AGK: variants seen among roughly 807,000 people sequenced by gnomAD.
AGK encodes acylglycerol kinase, also known as acylglycerol kinase, mitochondrial.
Under a neutral mutation model 66.4 loss-of-function variants are expected in AGK, and 52 were observed. The ratio of observed to expected loss-of-function variants is 0.78; its 90% CI spans 0.63 to 0.99. The LOEUF is 0.99. Ranked by LOEUF, AGK falls within the 50% of genes least tolerant of loss-of-function variation. AGK has a pLI of 0.00. For missense variants in AGK, 451 were observed against 506.6 expected (o/e 0.89, Z 1.05); for synonymous variants, 182 against 181.1 (o/e 1.00, Z -0.04).
chr7:141,584,758 C>T (rs1321338606), intron 2 of AGK, among the ~76,000 whole-genome samples: 1 of 152,220 alleles, frequency 6.6e-6, no homozygotes, highest in Non-Finnish European at 1.5e-5. Flanking sequence ...TTTTGCTAAA[C>T]TTTTCACCAT....
chr7:141,553,207 A>G (rs1204794688), intron 1 of AGK, among the ~76,000 whole-genome samples: 1 of 152,102 alleles, frequency 6.6e-6, no homozygotes, highest in East Asian at 1.9e-4. Flanking sequence ...CTAGTCTCAT[A>G]AGGACACTAA....
At chr7:141,625,638 G>A (rs977583336) in intron 9 of AGK, among the ~76,000 whole-genome samples, 1 of 152,120 alleles carries the variant, frequency 6.6e-6, no homozygotes, top group African/African-American at 2.4e-5. Context: ...AATATTAAAA[G>A]AGTTAATAAA....
intron 9 of AGK, among the ~76,000 whole-genome samples, chr7:141,632,358 T>G (rs1797078165): frequency 6.6e-6 from 1 of 152,198 alleles, no homozygotes; most frequent in African/African-American, 2.4e-5. Context: ...TGTTGGTACA[T>G]AAAGCAATGA....
Position 141,598,714 on chromosome 7 carries a change from C to T in AGK, c.221+2073C>T, listed in dbSNP as rs1587110932. Among the ~76,000 whole-genome samples the T allele has an allele frequency of 1.3e-5, 2 of 152,230 alleles. No individual in the cohort carries two copies. Among genetic ancestry groups the T allele is most frequent in the African/African-American group, 4.8e-5 (2 of 41,532 alleles). Reference sequence around the variant, plus strand: ...TCAGAACAGTCTTCACTTCGCTATCCCATCCTTCCCAGAAGCTCTTGTACC... The same window carrying T: ...TCAGAACAGTCTTCACTTCGCTATCTCATCCTTCCCAGAAGCTCTTGTACC... On this transcript the variant is annotated intron_variant, in intron 4 of 15. Coordinates refer to ENST00000649286, the MANE Select transcript of AGK (RefSeq NM_018238.4). The surrounding 1 kb of genome is among the most constrained non-coding windows in gnomAD (Gnocchi z 4.2).
chr7:141,609,661 T>C (rs769670503), intron 5 of AGK, among the ~76,000 whole-genome samples: 4 of 152,212 alleles, frequency 2.6e-5, no homozygotes, highest in East Asian at 1.9e-4. Flanking sequence ...TCATTGGCCA[T>C]TGGTGAGTTA....
intron 3 of AGK, 80 bp downstream of exon 3, chr7:141,593,265 GCA>G: frequency 7.8e-7 from 1 of 1,281,702 alleles, no homozygotes. Context: ...CAGGGGACTT[GCA>G]CAGTGTCTTG....
intron 2 of AGK, among the ~76,000 whole-genome samples, chr7:141,585,488 A>T (rs914459992): frequency 6.6e-5 from 10 of 152,234 alleles, no homozygotes; most frequent in African/African-American, 2.4e-4. Flanking sequence ...GTTGTTATAA[A>T]CGTCTAAACT....
At chr7:141,641,941 G>A (rs1211762319) in intron 13 of AGK, 33 bp downstream of exon 13, 1 of 1,527,702 alleles carries the variant, frequency 6.5e-7, no homozygotes, top group Non-Finnish European at 8.9e-7. Context: ...AAAGCATTTG[G>A]TACCTAAGAA....
intron 6 of AGK, among the ~76,000 whole-genome samples, chr7:141,612,891 A>G (rs961135510): frequency 2.0e-5 from 3 of 152,096 alleles, no homozygotes; most frequent in African/African-American, 7.2e-5. Context: ...CCTGTATACT[A>G]TATTTCATAT....
chr7:141,612,181 A>T (rs762024376), intron 6 of AGK, among the ~76,000 whole-genome samples: 5 of 152,262 alleles, frequency 3.3e-5, no homozygotes, highest in Admixed American at 6.5e-5. Flanking sequence ...AAAGACATGG[A>T]GGAAACCTAA....
At chr7:141,616,832 C>G (rs1443055933) in intron 8 of AGK, among the ~76,000 whole-genome samples, 1 of 150,738 alleles carries the variant, frequency 6.6e-6, no homozygotes, top group East Asian at 2.0e-4. Flanking sequence ...GAACTCGGCT[C>G]ACTGCAAGCT....
chr7:141,636,922 G>A (rs368043533), intron 10 of AGK, 38 bp from the exon 11 acceptor site: 32 of 1,545,342 alleles, frequency 2.1e-5, no homozygotes, highest in African/African-American at 2.7e-5. Flanking sequence ...TAGTTCTTTT[G>A]ATATTCTTAT....
intron 4 of AGK, 91 bp from the exon 5 acceptor site, chr7:141,601,114 C>A (rs1796331236): frequency 1.1e-6 from 1 of 937,252 alleles, no homozygotes; most frequent in Non-Finnish European, 1.6e-6. Flanking sequence ...CATAGTCTTT[C>A]TTATTCTGCC....
intron 2 of AGK, among the ~76,000 whole-genome samples, chr7:141,575,789 A>G (rs1361457957): frequency 6.6e-6 from 1 of 150,862 alleles, no homozygotes; most frequent in Non-Finnish European, 1.5e-5. Flanking sequence ...TTTGGAAGCC[A>G]TGGTTAAACA....
intron 10 of AGK, among the ~76,000 whole-genome samples, chr7:141,634,512 T>C (rs1797128999): frequency 6.6e-6 from 1 of 152,164 alleles, no homozygotes; most frequent in Non-Finnish European, 1.5e-5. Context: ...GAGGAGCTGA[T>C]TAGAGGGCCA....
intron 3 of AGK, among the ~76,000 whole-genome samples, chr7:141,596,164 T>G (rs1796221718): frequency 6.6e-6 from 1 of 152,204 alleles, no homozygotes; most frequent in Admixed American, 6.6e-5. Flanking sequence ...ACAAAGATTC[T>G]TCATGAACAA....
intron 2 of AGK, among the ~76,000 whole-genome samples, chr7:141,571,206 C>G (rs1322354431): frequency 1.3e-5 from 2 of 152,182 alleles, no homozygotes; most frequent in Non-Finnish European, 2.9e-5. Context: ...AGGCAAGTGC[C>G]TCATCACTGT....
chr7:141,574,389 C>T (rs548561491), intron 2 of AGK, among the ~76,000 whole-genome samples: 1 of 152,276 alleles, frequency 6.6e-6, no homozygotes, highest in East Asian at 1.9e-4. Context: ...GCCCACAGAA[C>T]TCAGCTGACT....
rs1333240946 is a variant in AGK at position 141,580,693 on chromosome 7, G to A, written c.102-12453G>A. On this transcript the variant is annotated intron_variant, in intron 2 of 15. Coordinates refer to ENST00000649286, the MANE Select transcript of AGK (RefSeq NM_018238.4). ...GGCCTCTAAAAGTATTAAGGCAGCA[G>A]CAGCCACTGCACGCAGACCATGAGG... is the stretch of plus-strand genomic sequence containing the variant. Among the ~76,000 whole-genome samples the A allele has an allele frequency of 2.6e-5, 4 of 152,060 alleles. No homozygotes were observed. The East Asian group carries it at 7.7e-4, about 29-fold the overall frequency.
Sources: allele counts gnomAD v4.1 joint callset (sites outside exome capture counted in the v4.1 genomes callset), GRCh38; gene constraint gnomAD v4.1.1; non-coding constraint Gnocchi (gnomAD v3.1); transcripts MANE v1.5; gene names NCBI Gene and HGNC (gene_info 2026-07-23, HGNC 2026-07-21).